ATXN8OS: variants seen among roughly 807,000 people sequenced by gnomAD.
The protein encoded by ATXN8OS is ATXN8 opposite strand lncRNA, also known as ATXN8 opposite strand (non-protein coding).
Position 70,159,170 on chromosome 13 carries a change from C to T in ATXN8OS, n.574-10583C>T, listed in dbSNP as rs572369019. Among the ~76,000 whole-genome samples, 9 of 120,400 alleles carry T rather than the reference C, an allele frequency of 7.5e-5. No individual in the cohort carries two copies. In the South Asian group the frequency reaches 2.5e-3, roughly 34 times the overall value. The allele number at this position is 120,400 out of a possible 152,430, so 79.0% of individuals were successfully genotyped here. On this transcript the variant is annotated intron_variant and non_coding_transcript_variant, in intron 4 of 4. Coordinates refer to ENST00000678624, the Ensembl canonical transcript of ATXN8OS. ...AATTTATTTTCTCTCCTTCCCTCCA[C>T]CACTTCCATTCTCTCTCTCTCTCTC...
At chr13:70,136,449 AT>A (rs1160745256) in intron 3 of ATXN8OS, among the ~76,000 whole-genome samples, 5 of 151,574 alleles carry the variant, frequency 3.3e-5, no homozygotes, top group Non-Finnish European at 7.4e-5. Flanking sequence ...TTATATTAAT[AT>A]TTATAATAAA....
chr13:70,168,907 T>C (rs917748987), intron 4 of ATXN8OS, among the ~76,000 whole-genome samples: 3 of 152,160 alleles, frequency 2.0e-5, no homozygotes, highest in Non-Finnish European at 2.9e-5. Context: ...TGTTCTTTTG[T>C]ATGTTTTTGC....
At chr13:70,155,332 G>T (rs1008079712) in intron 4 of ATXN8OS, among the ~76,000 whole-genome samples, 2 of 152,158 alleles carry the variant, frequency 1.3e-5, no homozygotes, top group Admixed American at 1.3e-4. Context: ...TTTTTAAGGC[G>T]AGATCTTTTT....
intron 4 of ATXN8OS, among the ~76,000 whole-genome samples, chr13:70,161,563 C>A (rs1566619210): frequency 6.6e-6 from 1 of 152,022 alleles, no homozygotes; most frequent in Non-Finnish European, 1.5e-5. Flanking sequence ...AAATACCCAA[C>A]CCACTAATTT....
intron 4 of ATXN8OS, among the ~76,000 whole-genome samples, chr13:70,155,181 C>T (rs1233002867): frequency 2.0e-5 from 3 of 152,176 alleles, no homozygotes; most frequent in Non-Finnish European, 4.4e-5. Context: ...GGTAATCGTG[C>T]AATTGATGGG....
At chr13:70,142,317 C>A (rs1174564486) in intron 3 of ATXN8OS, among the ~76,000 whole-genome samples, 4 of 152,166 alleles carry the variant, frequency 2.6e-5, no homozygotes, top group Admixed American at 1.3e-4. Context: ...GGGCTTTAGG[C>A]TAAAGCTTTT....
At chr13:70,119,571 T>G (rs1888329166) in intron 2 of ATXN8OS, among the ~76,000 whole-genome samples, 1 of 152,096 alleles carries the variant, frequency 6.6e-6, no homozygotes, top group Non-Finnish European at 1.5e-5. Flanking sequence ...TTGAAGGGAT[T>G]CAAATTACAG....
exon 1 of ATXN8OS, chr13:70,107,837 G>A: frequency 1.5e-6 from 1 of 652,828 alleles, no homozygotes; most frequent in Non-Finnish European, 2.5e-6. Flanking sequence ...GAAGACGCTA[G>A]GTGGGCTGCG....
At chr13:70,157,544 T>C (rs1387095925) in intron 4 of ATXN8OS, among the ~76,000 whole-genome samples, 2 of 139,962 alleles carry the variant, frequency 1.4e-5, no homozygotes, top group Non-Finnish European at 3.0e-5. Flanking sequence ...GCACTTCTTT[T>C]ACCAGCAGTT....
chr13:70,156,964 C>T (rs1019143616), intron 4 of ATXN8OS, among the ~76,000 whole-genome samples: 15 of 151,740 alleles, frequency 9.9e-5, no homozygotes, highest in Non-Finnish European at 1.9e-4. Flanking sequence ...TCTAGTTACC[C>T]GTAAATGAAA....
chr13:70,152,912 G>A (rs1367643004), intron 4 of ATXN8OS, among the ~76,000 whole-genome samples: 1 of 151,752 alleles, frequency 6.6e-6, no homozygotes, highest in Non-Finnish European at 1.5e-5. Flanking sequence ...ACAAAGAAAA[G>A]GGAAAACCAA....
intron 2 of ATXN8OS, among the ~76,000 whole-genome samples, chr13:70,117,235 C>T (rs192291140): frequency 1.3e-3 from 199 of 152,160 alleles, no homozygotes; most frequent in African/African-American, 4.5e-3. Flanking sequence ...CACACACATA[C>T]ACATATGCAC....
intron 3 of ATXN8OS, among the ~76,000 whole-genome samples, chr13:70,147,181 C>T (rs531373300): frequency 3.3e-5 from 5 of 152,120 alleles, no homozygotes; most frequent in East Asian, 3.9e-4. Flanking sequence ...CAACTAACTT[C>T]GAAAAGGGAC....
At chr13:70,120,598 G>GA (rs2137474855) in intron 2 of ATXN8OS, among the ~76,000 whole-genome samples, 1 of 152,234 alleles carries the variant, frequency 6.6e-6, no homozygotes, top group South Asian at 2.1e-4. Context: ...TATTTAGTGA[G>GA]AAAAACCGTA....
At chr13:70,142,239 GA>G (rs1172884252) in intron 3 of ATXN8OS, among the ~76,000 whole-genome samples, 1 of 152,156 alleles carries the variant, frequency 6.6e-6, no homozygotes, top group African/African-American at 2.4e-5. Context: ...ATAAGTCTGT[GA>G]AAGACAAATC....
chr13:70,169,139 T>C (rs956324536), intron 4 of ATXN8OS, among the ~76,000 whole-genome samples: 1 of 152,140 alleles, frequency 6.6e-6, no homozygotes, highest in African/African-American at 2.4e-5. Flanking sequence ...TTAAATTCAG[T>C]AAATGGCTTG....
At chr13:70,118,749 G>C (rs1159057189) in intron 2 of ATXN8OS, among the ~76,000 whole-genome samples, 1 of 151,674 alleles carries the variant, frequency 6.6e-6, no homozygotes, top group African/African-American at 2.4e-5. Context: ...CCTGCCTGTG[G>C]AAACTAAAAT....
intron 3 of ATXN8OS, among the ~76,000 whole-genome samples, chr13:70,134,747 T>C (rs1888586048): frequency 6.6e-6 from 1 of 152,130 alleles, no homozygotes; most frequent in African/African-American, 2.4e-5. Flanking sequence ...GTGGCTGCCC[T>C]TGGAAATCAA....
rs180696580 is a variant in ATXN8OS at position 70,127,962 on chromosome 13, G to A, written n.399-1822G>A. Among the ~76,000 whole-genome samples the A allele has an allele frequency of 3.8e-3, 577 of 151,902 alleles. 5 individuals are homozygous for A. The highest frequency in any genetic ancestry group is 0.012 in the African/African-American group (496 of 41,462). The stretch of plus-strand genomic sequence containing the variant: ...CACTAACACTCCTTCCTGCTTTAAG[G>A]TACTTTCATTTTATGTTGTTATATA... On this transcript the variant is annotated intron_variant and non_coding_transcript_variant, in intron 2 of 4. Transcript: ENST00000678624.
Sources: gnomAD v4.1 joint callset for allele counts (sites outside exome capture counted in the v4.1 genomes callset) on GRCh38, gnomAD v4.1.1 for gene constraint, MANE v1.5 for transcripts, NCBI Gene and HGNC (gene_info 2026-07-23, HGNC 2026-07-21) for gene names.